RGS5: variants seen among roughly 807,000 people sequenced by gnomAD.
RGS5 encodes the protein regulator of G protein signaling 5.
A neutral mutation model predicts 18.9 loss-of-function variants in RGS5; 20 were observed. That is an observed-to-expected ratio of 1.06 (90% CI 0.74 to 1.54). RGS5 has a LOEUF of 1.54. Ranked by LOEUF, RGS5 falls within the 40% of genes most tolerant of loss-of-function variation. The probability of loss-of-function intolerance (pLI) is 0.00; values close to 1 mark genes in which losing one functional copy is unlikely to be tolerated. For missense variants in RGS5, 201 were observed against 211.8 expected (o/e 0.95, Z 0.32); for synonymous variants, 57 against 76.2 (o/e 0.75, Z 1.31).
At chr1:163,285,907 C>T (rs1378612592) in intron 2 of RGS5, among the ~76,000 whole-genome samples, 1 of 151,784 alleles carries the variant, frequency 6.6e-6, no homozygotes, top group Non-Finnish European at 1.5e-5. Context: ...AACCATGAGC[C>T]GATTATATCT....
At chr1:163,307,117 A>G (rs1649722346) in intron 1 of RGS5, among the ~76,000 whole-genome samples, 1 of 152,190 alleles carries the variant, frequency 6.6e-6, no homozygotes, top group African/African-American at 2.4e-5. Flanking sequence ...TGAGGGCTGA[A>G]ACAGAGGGAA....
chr1:163,309,444 A>G (rs1649793581), intron 1 of RGS5, among the ~76,000 whole-genome samples: 1 of 152,162 alleles, frequency 6.6e-6, no homozygotes, highest in Admixed American at 6.5e-5. Flanking sequence ...CTTTGCTGTC[A>G]TTTCAACAAT....
intron 2 of RGS5, among the ~76,000 whole-genome samples, chr1:163,299,975 A>T (rs1035865745): frequency 6.6e-6 from 1 of 152,214 alleles, no homozygotes; most frequent in Non-Finnish European, 1.5e-5. Context: ...AAAAAGGAGT[A>T]CACATTACTA....
At chr1:163,274,706 GTAGA>G (rs1183055672) in intron 2 of RGS5, among the ~76,000 whole-genome samples, 6 of 152,264 alleles carry the variant, frequency 3.9e-5, no homozygotes, top group Admixed American at 1.3e-4. Context: ...CTAGCTCCAG[GTAGA>G]TAGTGTCCAA....
At chr1:163,256,361 G>A (rs1055047528) in intron 2 of RGS5, among the ~76,000 whole-genome samples, 2 of 152,058 alleles carry the variant, frequency 1.3e-5, no homozygotes, top group South Asian at 4.1e-4. Flanking sequence ...CCCATTCACA[G>A]TTGCTTCAAA....
chr1:163,156,413 C>G (rs1571215655), intron 3 of RGS5, among the ~76,000 whole-genome samples: 1 of 152,052 alleles, frequency 6.6e-6, no homozygotes, highest in African/African-American at 2.4e-5. Context: ...ATTCAAAGCC[C>G]AACTCCAATG....
At chr1:163,240,969 C>A (rs906977247) in intron 2 of RGS5, among the ~76,000 whole-genome samples, 1 of 152,196 alleles carries the variant, frequency 6.6e-6, no homozygotes, top group Non-Finnish European at 1.5e-5. Context: ...CTACTCTCAC[C>A]CAGTCTTTGT....
At chr1:163,261,337 A>G (rs1648429170) in intron 2 of RGS5, among the ~76,000 whole-genome samples, 1 of 152,104 alleles carries the variant, frequency 6.6e-6, no homozygotes, top group East Asian at 1.9e-4. Flanking sequence ...CTCATACATA[A>G]AGACACAAGA....
chr1:163,274,369 G>A (rs1023369156), intron 2 of RGS5, among the ~76,000 whole-genome samples: 7 of 124,578 alleles, frequency 5.6e-5, no homozygotes, highest in African/African-American at 1.8e-4. Flanking sequence ...TTCTACGTTG[G>A]TGAATGCATT....
At chr1:163,197,611 C>T (rs1196383860) in intron 1 of RGS5, among the ~76,000 whole-genome samples, 1 of 152,104 alleles carries the variant, frequency 6.6e-6, no homozygotes, top group African/African-American at 2.4e-5. Context: ...AGAGAAATCA[C>T]TGATATTGTT....
intron 1 of RGS5, 125 bp from the exon 2 acceptor site, chr1:163,168,493 T>G: frequency 1.4e-6 from 1 of 698,616 alleles, no homozygotes; most frequent in Non-Finnish European, 2.5e-6. Flanking sequence ...ATTTTTCTTG[T>G]GGCAGAAAGA....
Position 163,280,988 on chromosome 1 carries a change from T to C in RGS5, c.-281+25245A>G, listed in dbSNP as rs114902445. 2.2e-3 allele frequency among the ~76,000 whole-genome samples: 330 copies of C among 152,118 alleles called. 1 individual carries two copies. Among genetic ancestry groups the C allele is most frequent in the African/African-American group, 7.8e-3 (324 of 41,494 alleles). On this transcript the variant is annotated intron_variant, in intron 2 of 5. Transcript: ENST00000618415. ...ATCCTGTAGCTCTCATTCCGATGAG[T>C]TGTGGGAGGCAGCAGGTAGGAAATG...
chr1:163,209,865 TACA>T (rs1179484958), intron 1 of RGS5, among the ~76,000 whole-genome samples: 8 of 152,180 alleles, frequency 5.3e-5, no homozygotes, highest in Non-Finnish European at 1.5e-5. Context: ...ATATCTATAG[TACA>T]ATATTGAGAA....
At chr1:163,242,703 G>A (rs1385265650) in intron 2 of RGS5, among the ~76,000 whole-genome samples, 1 of 152,158 alleles carries the variant, frequency 6.6e-6, no homozygotes, top group Non-Finnish European at 1.5e-5. Flanking sequence ...TATGAGAAGA[G>A]CTTAGAATTG....
In RGS5 at chr1:163,169,166, T is replaced by A. The variant is rs542376718; in HGVS notation, c.45-798A>T. ...CTGAGAATGATGGTTTCCAGCTTCA[T>A]CCAGGTCCCTACAAAGGACATGAAC... On this transcript the variant is annotated intron_variant, in intron 1 of 4. Coordinates refer to ENST00000313961, the MANE Select transcript of RGS5 (RefSeq NM_003617.4). 2.1e-3 allele frequency among the ~76,000 whole-genome samples: 324 copies of A among 152,274 alleles called. 3 individuals carry two copies. Among genetic ancestry groups the A allele is most frequent in the African/African-American group, 7.3e-3 (305 of 41,554 alleles).
chr1:163,251,491 T>C (rs2101698467), intron 2 of RGS5, among the ~76,000 whole-genome samples: 1 of 152,318 alleles, frequency 6.6e-6, no homozygotes, highest in Admixed American at 6.5e-5. Flanking sequence ...CCTTTTCTTG[T>C]GGATTCTTAA....
chr1:163,317,677 T>C (rs1397001744), intron 1 of RGS5, among the ~76,000 whole-genome samples: 2 of 152,184 alleles, frequency 1.3e-5, no homozygotes, highest in Non-Finnish European at 2.9e-5. Context: ...TCATCACTAA[T>C]GTTCTTCATG....
At chr1:163,244,014 A>C (rs1274432276) in intron 2 of RGS5, among the ~76,000 whole-genome samples, 5 of 152,228 alleles carry the variant, frequency 3.3e-5, no homozygotes, top group Non-Finnish European at 7.3e-5. Context: ...TTAAACATTA[A>C]ATGTAATAAC....
chr1:163,291,454 C>A (rs909731982), intron 2 of RGS5, among the ~76,000 whole-genome samples: 2 of 152,084 alleles, frequency 1.3e-5, no homozygotes. Context: ...GACTACCAGG[C>A]TAGGAAGGGA....
Sources: gnomAD v4.1 joint callset for allele counts (sites outside exome capture counted in the v4.1 genomes callset) on GRCh38, gnomAD v4.1.1 for gene constraint, MANE v1.5 for transcripts, NCBI Gene and HGNC (gene_info 2026-07-23, HGNC 2026-07-21) for gene names.